ERP44: variants seen among roughly 807,000 people sequenced by gnomAD.
The protein encoded by ERP44 is endoplasmic reticulum resident protein 44.
ERP44 carries 25 observed loss-of-function variants against 53.4 expected under a neutral mutation model. The ratio of observed to expected loss-of-function variants is 0.47; its 90% CI spans 0.34 to 0.65. The LOEUF is 0.65. ERP44 is among the 30% of genes least tolerant of loss of function. ERP44 has a pLI of 0.01. For missense variants in ERP44, 338 were observed against 493.2 expected (o/e 0.69, Z 2.98); for synonymous variants, 145 against 161.2 (o/e 0.90, Z 0.76).
At chr9:100,090,541 G>T (rs1826541500) in intron 1 of ERP44, among the ~76,000 whole-genome samples, 1 of 152,094 alleles carries the variant, frequency 6.6e-6, no homozygotes. Flanking sequence ...CTGAGGTCAG[G>T]AGTTTGAGAC....
chr9:99,988,316 G>A (rs183515731), intron 10 of ERP44, among the ~76,000 whole-genome samples: 54 of 152,248 alleles, frequency 3.5e-4, no homozygotes, highest in African/African-American at 1.2e-3. Context: ...TAGTGCTTTT[G>A]ATACTCTAAG....
intron 8 of ERP44, among the ~76,000 whole-genome samples, chr9:100,015,622 C>T (rs1056620589): frequency 1.3e-5 from 2 of 152,154 alleles, no homozygotes; most frequent in African/African-American, 4.8e-5. Context: ...CTTCTAGTGG[C>T]AAAGGATTAT....
intron 1 of ERP44, among the ~76,000 whole-genome samples, chr9:100,090,096 A>G (rs1826533809): frequency 2.0e-5 from 3 of 152,188 alleles, no homozygotes. Flanking sequence ...AATTCCTGCT[A>G]TTTAGAAAGT....
chr9:100,087,905 TTTC>T (rs753884476), intron 1 of ERP44, among the ~76,000 whole-genome samples: 113 of 152,348 alleles, frequency 7.4e-4, no homozygotes, highest in Non-Finnish European at 1.3e-3. Context: ...TACGCATTTT[TTTC>T]TTCATTATGC....
At chr9:100,015,024 T>A (rs192906571) in intron 8 of ERP44, among the ~76,000 whole-genome samples, 1 of 152,290 alleles carries the variant, frequency 6.6e-6, no homozygotes, top group East Asian at 1.9e-4. Context: ...GAGAGCTACA[T>A]AACTCTCTGA....
intron 1 of ERP44, among the ~76,000 whole-genome samples, chr9:100,063,075 CAAAAAAA>C (rs58004954): frequency 2.5e-5 from 1 of 40,084 alleles, no homozygotes; most frequent in Non-Finnish European, 4.2e-5. Context: ...CCCTGTCTCA[CAAAAAAA>C]AAAAAAAAAA....
At chr9:99,997,097 T>G (rs1409396112) in intron 10 of ERP44, among the ~76,000 whole-genome samples, 1 of 152,186 alleles carries the variant, frequency 6.6e-6, no homozygotes, top group African/African-American at 2.4e-5. Context: ...TGAATTGTGC[T>G]GCTATAAACA....
intron 8 of ERP44, 101 bp from the exon 9 acceptor site, chr9:100,007,790 T>C (rs750945652): frequency 2.2e-5 from 16 of 716,580 alleles, no homozygotes; most frequent in East Asian, 7.7e-5. Flanking sequence ...TGTAATGCAA[T>C]AGTTGCAATA....
intron 1 of ERP44, among the ~76,000 whole-genome samples, chr9:100,080,002 G>A (rs2118747012): frequency 6.6e-6 from 1 of 150,840 alleles, no homozygotes; most frequent in East Asian, 1.9e-4. Flanking sequence ...TATAAAGTAA[G>A]TGTATTATTG....
At chr9:100,006,398 A>G in intron 10 of ERP44, 108 bp downstream of exon 10, 1 of 818,096 alleles carries the variant, frequency 1.2e-6, no homozygotes, top group Middle Eastern at 3.6e-4. Flanking sequence ...CCAGTTAACA[A>G]AGTCTTACTG....
At chr9:99,991,163 G>A (rs532111290) in intron 10 of ERP44, among the ~76,000 whole-genome samples, 4 of 152,250 alleles carry the variant, frequency 2.6e-5, no homozygotes, top group Middle Eastern at 3.4e-3. Context: ...ACACCAAGCT[G>A]ACCTAATAGA....
At chr9:100,043,692 T>A (rs1163524623) in intron 4 of ERP44, among the ~76,000 whole-genome samples, 1 of 151,970 alleles carries the variant, frequency 6.6e-6, no homozygotes, top group Non-Finnish European at 1.5e-5. Flanking sequence ...GAGGCAGAAG[T>A]TGCAGTGAGC....
intron 10 of ERP44, among the ~76,000 whole-genome samples, chr9:99,989,299 C>T (rs1239714185): frequency 6.6e-6 from 1 of 152,164 alleles, no homozygotes; most frequent in Non-Finnish European, 1.5e-5. Context: ...ACTGACACCT[C>T]ATACAGCTGG....
chr9:100,081,561 G>A (rs1028647651), intron 1 of ERP44, among the ~76,000 whole-genome samples: 12 of 151,760 alleles, frequency 7.9e-5, no homozygotes, highest in African/African-American at 2.9e-4. Flanking sequence ...AATGACCTAA[G>A]TGAGATTTAT....
At chr9:100,054,274 G>A (rs1826067313) in intron 3 of ERP44, among the ~76,000 whole-genome samples, 2 of 152,174 alleles carry the variant, frequency 1.3e-5, no homozygotes, top group Non-Finnish European at 2.9e-5. Context: ...GAGCGGCTAG[G>A]ACCGCAGGTT....
intron 6 of ERP44, among the ~76,000 whole-genome samples, chr9:100,019,340 T>C (rs187489157): frequency 6.6e-6 from 1 of 152,070 alleles, no homozygotes; most frequent in Admixed American, 6.5e-5. Context: ...GGCCAGGAGT[T>C]CAAGACCATC....
At chr9:100,070,004 TG>T (rs565240957) in intron 1 of ERP44, among the ~76,000 whole-genome samples, 51 of 152,344 alleles carry the variant, frequency 3.3e-4, no homozygotes, top group African/African-American at 1.1e-3. Context: ...TTTTCAGAGC[TG>T]GGGGTGAACT....
intron 4 of ERP44, among the ~76,000 whole-genome samples, chr9:100,025,694 T>C (rs1238092857): frequency 6.6e-6 from 1 of 152,202 alleles, no homozygotes; most frequent in Admixed American, 6.5e-5. Flanking sequence ...GAAATGGTGA[T>C]ATACTAACAG....
intron 4 of ERP44, among the ~76,000 whole-genome samples, chr9:100,047,588 A>G (rs1265286296): frequency 6.6e-6 from 1 of 152,206 alleles, no homozygotes; most frequent in Non-Finnish European, 1.5e-5. Flanking sequence ...ACCTGAATAT[A>G]AGACCTAACA....
Sources: allele counts gnomAD v4.1 joint callset (sites outside exome capture counted in the v4.1 genomes callset), GRCh38; gene constraint gnomAD v4.1.1; transcripts MANE v1.5; gene names NCBI Gene and HGNC (gene_info 2026-07-23, HGNC 2026-07-21).